Variants in ALG5 observed in about 807,000 individuals in gnomAD.
ALG5 encodes dolichyl-phosphate beta-glucosyltransferase.
Under a neutral mutation model 51.8 loss-of-function variants are expected in ALG5, and 26 were observed. The ratio of observed to expected loss-of-function variants is 0.50; its 90% CI spans 0.37 to 0.70. The LOEUF (loss-of-function observed/expected upper bound fraction) is 0.70. Among genes scored for constraint, ALG5 ranks in the 30% least tolerant of loss-of-function variants. The pLI is 0.00. For missense variants in ALG5, 311 were observed against 399.3 expected (o/e 0.78, Z 1.88); for synonymous variants, 141 against 136.1 (o/e 1.04, Z -0.25).
chr13:36,965,934 G>A (rs528309850), intron 7 of ALG5, among the ~76,000 whole-genome samples: 297 of 152,288 alleles, frequency 2.0e-3, no homozygotes, highest in Admixed American at 4.2e-3. Flanking sequence ...GAGGCACTAG[G>A]AAGCAGTTAC....
At chr13:36,966,488 T>C (rs2058894023) in intron 7 of ALG5, among the ~76,000 whole-genome samples, 1 of 152,188 alleles carries the variant, frequency 6.6e-6, no homozygotes, top group African/African-American at 2.4e-5. Flanking sequence ...TAGTAAAAGA[T>C]AGGATCTTTC....
chr13:36,983,546 C>T (rs1042509273), intron 6 of ALG5, among the ~76,000 whole-genome samples: 1 of 143,520 alleles, frequency 7.0e-6, no homozygotes, highest in Non-Finnish European at 1.5e-5. Flanking sequence ...CCAGCCTGGG[C>T]AACACAGTAA....
intron 4 of ALG5, among the ~76,000 whole-genome samples, chr13:36,990,274 C>T (rs1258342033): frequency 6.6e-6 from 1 of 152,178 alleles, no homozygotes; most frequent in Non-Finnish European, 1.5e-5. Flanking sequence ...TTTTTCGGTC[C>T]ACTGTAGTAG....
At chr13:36,985,239 C>T (rs2058996969) in intron 6 of ALG5, among the ~76,000 whole-genome samples, 1 of 151,958 alleles carries the variant, frequency 6.6e-6, no homozygotes, top group Admixed American at 6.5e-5. Flanking sequence ...TGAGTGATTG[C>T]TGCTTGTGAT....
At chr13:36,986,271 T>C (rs1028869711) in intron 5 of ALG5, among the ~76,000 whole-genome samples, 23 of 152,348 alleles carry the variant, frequency 1.5e-4, no homozygotes, top group South Asian at 6.2e-4. Flanking sequence ...TTAAGAATTA[T>C]GCATAAATCC....
chr13:36,978,373 G>A (rs2138810336), intron 6 of ALG5, among the ~76,000 whole-genome samples: 1 of 151,898 alleles, frequency 6.6e-6, no homozygotes, highest in East Asian at 2.0e-4. Flanking sequence ...TTTCAGTAGA[G>A]ATGGGGTTCT....
chr13:36,951,430 T>C (rs9531998), intron 9 of ALG5, among the ~76,000 whole-genome samples: 137,929 of 152,246 alleles, frequency 0.91, 62,653 homozygotes, highest in East Asian at 1. Context: ...AATCTCGAGA[T>C]TGGTTCTTAA....
At chr13:36,963,645 A>C (rs1416514177) in intron 8 of ALG5, among the ~76,000 whole-genome samples, 1 of 152,218 alleles carries the variant, frequency 6.6e-6, no homozygotes, top group Non-Finnish European at 1.5e-5. Context: ...TAAATTTGAC[A>C]ACTAATGTAG....
At chr13:36,974,337 TAA>T (rs1221781159) in intron 6 of ALG5, among the ~76,000 whole-genome samples, 30 of 152,294 alleles carry the variant, frequency 2.0e-4, no homozygotes, top group African/African-American at 7.2e-4. Context: ...TTTGAATGAC[TAA>T]CAAAAATAAA....
At chr13:36,960,232 G>A (rs2058859664) in intron 8 of ALG5, among the ~76,000 whole-genome samples, 1 of 152,160 alleles carries the variant, frequency 6.6e-6, no homozygotes, top group Admixed American at 6.5e-5. Context: ...AGAACTTTAA[G>A]AGAACTTTAG....
intron 8 of ALG5, among the ~76,000 whole-genome samples, chr13:36,961,079 TTAAAAAA>T (rs1374361573): frequency 6.6e-6 from 1 of 151,874 alleles, no homozygotes; most frequent in Non-Finnish European, 1.5e-5. Flanking sequence ...ACTGAAAATA[TTAAAAAA>T]TAAACAGTAG....
intron 4 of ALG5, among the ~76,000 whole-genome samples, chr13:36,992,264 T>C (rs1225425070): frequency 6.6e-6 from 1 of 152,222 alleles, no homozygotes; most frequent in Non-Finnish European, 1.5e-5. Flanking sequence ...AAGTGGTCTT[T>C]ACATCTTTGT....
chr13:36,971,878 A>C, intron 7 of ALG5, 99 bp downstream of exon 7: 3 of 828,522 alleles, frequency 3.6e-6, no homozygotes, highest in Non-Finnish European at 5.7e-6. Flanking sequence ...CATGTTTAAG[A>C]GATTAGACAT....
intron 8 of ALG5, among the ~76,000 whole-genome samples, chr13:36,959,811 TA>T (rs898664280): frequency 3.9e-5 from 6 of 152,032 alleles, no homozygotes; most frequent in African/African-American, 1.4e-4. Flanking sequence ...CTCATATTTT[TA>T]GAAAGTTAAT....
chr13:36,996,965 T>C (rs1039931560), intron 1 of ALG5, among the ~76,000 whole-genome samples: 1 of 152,198 alleles, frequency 6.6e-6, no homozygotes, highest in Non-Finnish European at 1.5e-5. Flanking sequence ...GGCCATTACA[T>C]GACTCCTGAT....
At chr13:36,996,200 C>A (rs2059049482) in intron 1 of ALG5, among the ~76,000 whole-genome samples, 1 of 152,194 alleles carries the variant, frequency 6.6e-6, no homozygotes, top group Admixed American at 6.5e-5. Context: ...ACTGAAGTAT[C>A]TAACTTACAG....
chr13:36,998,646 T>C (rs566427106), intron 1 of ALG5, among the ~76,000 whole-genome samples: 24 of 152,338 alleles, frequency 1.6e-4, no homozygotes, highest in African/African-American at 5.1e-4. Flanking sequence ...GGTGCTTAAT[T>C]CTGGGACACA....
chr13:36,997,819 G>A (rs2059058424), intron 1 of ALG5, among the ~76,000 whole-genome samples: 1 of 152,112 alleles, frequency 6.6e-6, no homozygotes, highest in African/African-American at 2.4e-5. Flanking sequence ...GTAATGGAGA[G>A]TGGATACATA....
intron 4 of ALG5, among the ~76,000 whole-genome samples, chr13:36,993,286 GGCAAGATGGA>G (rs771928985): frequency 8.5e-5 from 13 of 152,154 alleles, no homozygotes; most frequent in Non-Finnish European, 5.9e-5. Context: ...GAAATTATAA[GGCAAGATGGA>G]GCATAAAGAA....
Sources: gnomAD v4.1 joint callset for allele counts (sites outside exome capture counted in the v4.1 genomes callset) on GRCh38, gnomAD v4.1.1 for gene constraint, MANE v1.5 for transcripts, NCBI Gene and HGNC (gene_info 2026-07-23, HGNC 2026-07-21) for gene names.